Variants in CNKSR3 observed in about 807,000 individuals in gnomAD.
The protein encoded by CNKSR3 is CNKSR family member 3.
A neutral mutation model predicts 67.7 loss-of-function variants in CNKSR3; 36 were observed. The observed-to-expected ratio is 0.53, with a 90% CI of 0.41 to 0.70. The LOEUF is 0.70. CNKSR3 is among the 30% of genes least tolerant of loss of function. The pLI is 0.00. For synonymous variants in CNKSR3, 281 were observed against 271.4 expected (o/e 1.04, Z -0.35); for missense variants, 630 against 695.2 (o/e 0.91, Z 1.05).
intron 1 of CNKSR3, among the ~76,000 whole-genome samples, chr6:154,465,101 A>AT: frequency 7.2e-6 from 1 of 139,816 alleles, no homozygotes; most frequent in African/African-American, 2.7e-5. Context: ...CGATCGTGCC[A>AT]TTGCACTCCA....
At position 154,481,981 on chromosome 6, in the gene CNKSR3, G is replaced by T. The variant is rs140164863; in HGVS notation, c.52+28082C>A. Among the ~76,000 whole-genome samples the T allele has an allele frequency of 1.6e-4, 25 of 152,272 alleles. No individual in the cohort carries two copies. In the East Asian group the frequency reaches 4.8e-3, roughly 29 times the overall value. On this transcript the variant is annotated intron_variant, in intron 1 of 12. Coordinates refer to ENST00000607772, the MANE Select transcript of CNKSR3 (RefSeq NM_173515.4). ...CCTTCCAATGACATCATCAGCCCATGAATGTAACAGAACAATTATCTGCCC... is the reference window on the plus strand; with the variant it reads ...CCTTCCAATGACATCATCAGCCCATTAATGTAACAGAACAATTATCTGCCC...
rs1784573815 is a variant in CNKSR3, at chr6:154,388,540, T to G, written c.*17814A>C. 6.6e-6 allele frequency: 1 copy of G among 152,204 alleles called. No homozygotes were observed. The highest frequency in any genetic ancestry group is 2.4e-5 in the African/African-American group (1 of 41,452). 9.4% of individuals were successfully genotyped at this position (152,204 alleles called of 1,614,324 possible). ...TTGGATAAATATCCAGAAATAGGGT[T>G]GCTAGGTCACATGGCAGTTCTATTT... On this transcript the variant is annotated 3_prime_UTR_variant, in exon 13 of 13. Transcript: ENST00000607772.
At chr6:154,503,819 C>T (rs950090519) in intron 1 of CNKSR3, among the ~76,000 whole-genome samples, 1 of 152,138 alleles carries the variant, frequency 6.6e-6, no homozygotes, top group African/African-American at 2.4e-5. Flanking sequence ...GACAAGCCTT[C>T]TCAAATTAAG....
At position 154,406,450 on chromosome 6, in the gene CNKSR3, G is replaced by T. The variant is rs763081856; in HGVS notation, c.1572C>A (p.Thr524=). ...TAGCTGAGGAGCCAGATTTCTTTTT[G>T]GTCCCTTCCTCCTGGAATGGAATCG... ...SATIPFQEEG[T]KKKSGSSATK... The change falls in exon 13 of 13, where the codon ACC becomes ACA. Residue 524 remains threonine, a synonymous_variant. Transcript: ENST00000607772. 2 of 1,613,992 alleles carry T rather than the reference G, an allele frequency of 1.2e-6. No homozygotes were observed. The highest frequency in any genetic ancestry group is 2.7e-5 in the African/African-American group (2 of 74,876).
rs545930570 is a variant in CNKSR3, at chr6:154,399,703, C to A, written c.*6651G>T. ...TTTAGATATGAGTAAGAAAACGGAA[C>A]CTGACACTGAGTTAAAAGGACAATT... On this transcript the variant is annotated 3_prime_UTR_variant, in exon 13 of 13. Coordinates refer to ENST00000607772, the MANE Select transcript of CNKSR3 (RefSeq NM_173515.4). 2.0e-5 allele frequency: 3 copies of A among 152,230 alleles called. No homozygotes were observed. Among genetic ancestry groups the A allele is most frequent in the South Asian group, 2.1e-4 (1 of 4,826 alleles). The allele number at this position is 152,230 out of a possible 1,614,324, so 9.4% of individuals were successfully genotyped here.
chr6:154,507,257 C>T (rs569540668), intron 1 of CNKSR3, among the ~76,000 whole-genome samples: 3 of 152,186 alleles, frequency 2.0e-5, no homozygotes, highest in African/African-American at 7.2e-5. Flanking sequence ...TAGACAAGAA[C>T]TTCTTTCCTA....
chr6:154,449,079 G>A (rs542673254), intron 2 of CNKSR3, among the ~76,000 whole-genome samples: 45 of 152,222 alleles, frequency 3.0e-4, no homozygotes, highest in African/African-American at 1.0e-3. Context: ...CACACCTAAC[G>A]AAGCTACCCA....
At chr6:154,465,349 G>A (rs1169913760) in intron 1 of CNKSR3, among the ~76,000 whole-genome samples, 1 of 152,080 alleles carries the variant, frequency 6.6e-6, no homozygotes, top group East Asian at 1.9e-4. Context: ...TAAAATTTGG[G>A]AAAATGCACA....
At chr6:154,468,607 C>A (rs537653916) in intron 1 of CNKSR3, among the ~76,000 whole-genome samples, 2 of 152,098 alleles carry the variant, frequency 1.3e-5, no homozygotes, top group Non-Finnish European at 1.5e-5. Flanking sequence ...AATTAGGGAT[C>A]TCATCTGTCT....
At chr6:154,420,055 C>A (rs1230135335) in intron 9 of CNKSR3, among the ~76,000 whole-genome samples, 1 of 151,992 alleles carries the variant, frequency 6.6e-6, no homozygotes, top group African/African-American at 2.4e-5. Flanking sequence ...GCACTCCAGC[C>A]TGGGCAACGA....
chr6:154,462,903 C>T (rs9479867), intron 1 of CNKSR3, among the ~76,000 whole-genome samples: 1,988 of 152,294 alleles, frequency 0.013, 41 homozygotes, highest in African/African-American at 0.045. Flanking sequence ...TTTACCATTT[C>T]GCCACCTGCA....
intron 12 of CNKSR3, among the ~76,000 whole-genome samples, chr6:154,409,687 A>G (rs1784868403): frequency 6.6e-6 from 1 of 152,112 alleles, no homozygotes; most frequent in Admixed American, 6.6e-5. Context: ...ACCCCATCTC[A>G]ATTTTTAAAA....
chr6:154,467,951 A>C (rs1786238885), intron 1 of CNKSR3, among the ~76,000 whole-genome samples: 1 of 150,904 alleles, frequency 6.6e-6, no homozygotes, highest in East Asian at 1.9e-4. Flanking sequence ...GTAGAGACAG[A>C]GTTTTGTCAT....
At chr6:154,411,164 A>G (rs1784904534) in intron 10 of CNKSR3, 22 bp from the exon 11 acceptor site, 1 of 1,543,024 alleles carries the variant, frequency 6.5e-7, no homozygotes, top group African/African-American at 1.4e-5. Flanking sequence ...TATGGACAAT[A>G]ATTAAGTTGT....
At chr6:154,509,754 C>A (rs1419358844) in intron 1 of CNKSR3, among the ~76,000 whole-genome samples, 1 of 152,302 alleles carries the variant, frequency 6.6e-6, no homozygotes, top group Non-Finnish European at 1.5e-5. Context: ...GAGCGCCCCC[C>A]GGCCCGAGTG....
intron 3 of CNKSR3, among the ~76,000 whole-genome samples, chr6:154,441,692 A>C (rs1234553463): frequency 6.6e-6 from 1 of 152,058 alleles, no homozygotes; most frequent in Non-Finnish European, 1.5e-5. Flanking sequence ...TTTTCTCTCA[A>C]GTGACACATA....
At chr6:154,459,182 G>A (rs1052027976) in intron 1 of CNKSR3, among the ~76,000 whole-genome samples, 2 of 151,824 alleles carry the variant, frequency 1.3e-5, no homozygotes, top group Non-Finnish European at 2.9e-5. Context: ...GCAAATGAAT[G>A]AACTTGGTCT....
intron 12 of CNKSR3, among the ~76,000 whole-genome samples, chr6:154,409,211 T>C (rs1784860342): frequency 1.3e-5 from 2 of 152,120 alleles, no homozygotes; most frequent in Non-Finnish European, 2.9e-5. Flanking sequence ...CTTTGGAAGG[T>C]TAGGCTTCCA....
In CNKSR3 at chr6:154,453,344, G is replaced by A. The variant is rs115028874; in HGVS notation, c.53-3086C>T. Among the ~76,000 whole-genome samples the A allele has an allele frequency of 6.0e-3, 912 of 152,286 alleles. 8 individuals carry two copies. Among genetic ancestry groups the A allele is most frequent in the African/African-American group, 0.021 (878 of 41,562 alleles). ...TTGGAGCACTGAAAAGGCTGAGATG[G>A]GAGGAATGGTGAGAGTTCTAGACAG... On this transcript the variant is annotated intron_variant, in intron 1 of 12. Transcript: ENST00000607772.
Sources: allele counts gnomAD v4.1 joint callset (sites outside exome capture counted in the v4.1 genomes callset), GRCh38; gene constraint gnomAD v4.1.1; transcripts MANE v1.5; gene names NCBI Gene and HGNC (gene_info 2026-07-23, HGNC 2026-07-21).